SEM1: variants seen among roughly 807,000 people sequenced by gnomAD.
SEM1 encodes the protein 26S proteasome complex subunit SEM1.
A neutral mutation model predicts 12.7 loss-of-function variants in SEM1; 3 were observed. The ratio of observed to expected loss-of-function variants is 0.24; its 90% confidence interval spans 0.11 to 0.61. SEM1 has a LOEUF of 0.61. Ranked by LOEUF, SEM1 falls within the 20% of genes least tolerant of loss-of-function variation. The pLI is 0.88. For missense variants in SEM1, 59 were observed against 81.3 expected, an observed-to-expected ratio of 0.73 and a Z score of 1.06; for synonymous variants, 30 against 27.8, an observed-to-expected ratio of 1.08 and a Z score of -0.25.
In SEM1 at chr7:96,709,745, G is replaced by C. The variant is rs772378304; in HGVS notation, c.19C>G (p.Pro7Ala). Residue 7 changes from proline (P) to alanine (A), a missense_variant, in exon 1 of 3, where the codon CCG becomes GCG. By Grantham distance (27) the Pro-to-Ala change is conservative. Coordinates refer to ENST00000248566, the MANE Select transcript of SEM1 (RefSeq NM_006304.2). The stretch of plus-strand genomic sequence containing the variant: ...TCCTCTAACAGACCTAAGTCTACCG[G>C]CTGCTTTTTCTCTGACATCTCGACT... Reference protein sequence around the residue: MSEKKQPVDLGLLEEDD... With the variant: MSEKKQAVDLGLLEEDD... 6.2e-7 allele frequency: 1 copy of C among 1,613,918 alleles called. No homozygotes were observed. Among genetic ancestry groups the C allele is most frequent in the East Asian group, 2.2e-5 (1 of 44,848 alleles).
intron 2 of SEM1, among the ~76,000 whole-genome samples, chr7:96,527,562 T>C (rs778922630): frequency 1.3e-5 from 2 of 152,004 alleles, no homozygotes; most frequent in Non-Finnish European, 2.9e-5. Flanking sequence ...AATCACAGAG[T>C]GAGAAATGTA....
At chr7:96,582,692 T>C (rs1329427321) in intron 2 of SEM1, among the ~76,000 whole-genome samples, 1 of 152,298 alleles carries the variant, frequency 6.6e-6, no homozygotes, top group East Asian at 1.9e-4. Context: ...CTTCCTGGTT[T>C]AGTCTTGGGA....
At chr7:96,541,438 T>G (rs1462752113) in intron 2 of SEM1, among the ~76,000 whole-genome samples, 4 of 135,176 alleles carry the variant, frequency 3.0e-5, no homozygotes, top group Admixed American at 1.5e-4. Flanking sequence ...TGGGTTTTTT[T>G]TTTTGTTTTT....
intron 2 of SEM1, among the ~76,000 whole-genome samples, chr7:96,690,070 G>A (rs903755063): frequency 1.3e-5 from 2 of 151,894 alleles, no homozygotes; most frequent in Non-Finnish European, 2.9e-5. Flanking sequence ...GATGATCACA[G>A]AAAACTCAAA....
chr7:96,523,321 G>T (rs534536344), intron 2 of SEM1, among the ~76,000 whole-genome samples: 35 of 152,228 alleles, frequency 2.3e-4, no homozygotes, highest in African/African-American at 8.2e-4. Context: ...GAGTATATAT[G>T]GTGTATCTGA....
downstream of SEM1, among the ~76,000 whole-genome samples, chr7:96,671,482 G>A (rs1246088496): frequency 1.3e-5 from 2 of 152,054 alleles, no homozygotes; most frequent in East Asian, 3.9e-4. Context: ...AGAATCTAAT[G>A]AGGAGGAAAA....
At chr7:96,529,050 A>G (rs1202439761) in intron 2 of SEM1, among the ~76,000 whole-genome samples, 1 of 152,144 alleles carries the variant, frequency 6.6e-6, no homozygotes, top group Non-Finnish European at 1.5e-5. Context: ...GTTTGGAAGA[A>G]AGAATAAAGT....
intron 2 of SEM1, among the ~76,000 whole-genome samples, chr7:96,508,186 A>ATGAGAGC (rs1179786395): frequency 6.6e-6 from 1 of 152,112 alleles, no homozygotes; most frequent in Non-Finnish European, 1.5e-5. Flanking sequence ...GAACAAGAGA[A>ATGAGAGC]TGAGAGCTGC....
intron 1 of SEM1, among the ~76,000 whole-genome samples, chr7:96,698,426 C>CT (rs111934061): frequency 1.3e-5 from 2 of 151,520 alleles, no homozygotes; most frequent in Non-Finnish European, 1.5e-5. Flanking sequence ...CTTCCCACCC[C>CT]GACAGGCCCA....
chr7:96,549,577 C>A (rs1805203563), intron 2 of SEM1, among the ~76,000 whole-genome samples: 1 of 152,056 alleles, frequency 6.6e-6, no homozygotes, highest in Admixed American at 6.6e-5. Context: ...TTAAAAGCAC[C>A]ATCTTACAAA....
intron 2 of SEM1, among the ~76,000 whole-genome samples, chr7:96,576,737 T>C (rs1806215332): frequency 1.3e-5 from 2 of 152,204 alleles, no homozygotes; most frequent in African/African-American, 2.4e-5. Flanking sequence ...GTTTTCTTTC[T>C]ATGTTTAAAT....
intron 2 of SEM1, among the ~76,000 whole-genome samples, chr7:96,566,951 T>C (rs1805858798): frequency 6.6e-6 from 1 of 151,662 alleles, no homozygotes; most frequent in Admixed American, 6.6e-5. Context: ...ACCATGAGGA[T>C]TTTGGTATAC....
At chr7:96,673,877 T>C (rs1465773696) in intron 2 of SEM1, 1 of 764,436 alleles carries the variant, frequency 1.3e-6, no homozygotes, top group Admixed American at 1.7e-5. Flanking sequence ...ACAGACTTTG[T>C]GTAAGCAAAC....
intron 2 of SEM1, among the ~76,000 whole-genome samples, chr7:96,553,504 T>C (rs1384331942): frequency 2.0e-5 from 3 of 151,440 alleles, no homozygotes; most frequent in Non-Finnish European, 4.4e-5. Context: ...CAGATAGTTG[T>C]AGATATGCAG....
upstream of SEM1, among the ~76,000 whole-genome samples, chr7:96,496,740 A>G (rs552980300): frequency 3.3e-5 from 5 of 152,290 alleles, 1 homozygote; most frequent in African/African-American, 1.2e-4. Context: ...TCTACATAAT[A>G]AAAATTTTGT....
intron 2 of SEM1, among the ~76,000 whole-genome samples, chr7:96,654,538 G>GCCGCAGCAGCAGTGAA (rs1809114675): frequency 6.6e-6 from 1 of 152,142 alleles, no homozygotes; most frequent in African/African-American, 2.4e-5. Flanking sequence ...GCAGCAGTGA[G>GCCGCAGCAGCAGTGAA]CCACAGCACC....
intron 2 of SEM1, among the ~76,000 whole-genome samples, chr7:96,613,266 C>T (rs1303474125): frequency 2.6e-5 from 4 of 152,150 alleles, no homozygotes; most frequent in Admixed American, 6.5e-5. Flanking sequence ...AAAGTTTGCA[C>T]ACGTTTTAAT....
At chr7:96,501,439 C>T (rs1315978034) in intron 3 of SEM1, among the ~76,000 whole-genome samples, 3 of 151,994 alleles carry the variant, frequency 2.0e-5, no homozygotes, top group Admixed American at 1.3e-4. Context: ...AGACCTTTCA[C>T]ACACACACAA....
chr7:96,500,088 C>A (rs1005690148), upstream of SEM1, among the ~76,000 whole-genome samples: 6 of 152,042 alleles, frequency 3.9e-5, no homozygotes, highest in Admixed American at 2.6e-4. Flanking sequence ...CCATGAAAAA[C>A]CTTGTCAGTC....
Sources: allele counts gnomAD v4.1 joint callset (sites outside exome capture counted in the v4.1 genomes callset), GRCh38; gene constraint gnomAD v4.1.1; transcripts MANE v1.5; gene names NCBI Gene and HGNC (gene_info 2026-07-23, HGNC 2026-07-21).